RPS6KA2: variants seen among roughly 807,000 people sequenced by gnomAD.
RPS6KA2 encodes the protein ribosomal protein S6 kinase alpha-2.
In RPS6KA2, 42 loss-of-function variants were observed where a neutral mutation model predicts 91.8. That is an observed-to-expected ratio of 0.46 (90% CI 0.36 to 0.59). The LOEUF is 0.59. RPS6KA2 is among the 20% of genes least tolerant of loss of function. The probability of loss-of-function intolerance (pLI) is 0.00; values close to 1 mark genes in which losing one functional copy is unlikely to be tolerated. For missense variants in RPS6KA2, 798 were observed against 978.5 expected (o/e 0.82, Z 2.46); for synonymous variants, 414 against 393.6 (o/e 1.05, Z -0.61).
Position 166,434,597 on chromosome 6 carries a change from T to C in RPS6KA2, c.1333-2107A>G, listed in dbSNP as rs1040587404. Among the ~76,000 whole-genome samples the C allele has an allele frequency of 4.6e-5, 7 of 152,192 alleles. No homozygotes were observed. The highest frequency in any genetic ancestry group is 1.7e-4 in the African/African-American group (7 of 41,450). ...CGTCTATCGGGGCCGGGATCCTGTC[T>C]TTGCAATTAGAGAAGGTTAAAATAC... On this transcript the variant is annotated intron_variant, in intron 14 of 20. Coordinates refer to ENST00000265678, the MANE Select transcript of RPS6KA2 (RefSeq NM_021135.6). The surrounding 1 kb of genome is among the most constrained non-coding windows in gnomAD (Gnocchi z 4.4).
chr6:166,544,285 T>C (rs1583263472), intron 1 of RPS6KA2, among the ~76,000 whole-genome samples: 1 of 152,214 alleles, frequency 6.6e-6, no homozygotes, highest in African/African-American at 2.4e-5. Flanking sequence ...GAAGATTCAC[T>C]AAATGGCTTT....
chr6:166,453,741 C>A (rs7746265), intron 12 of RPS6KA2, among the ~76,000 whole-genome samples: 4 of 152,206 alleles, frequency 2.6e-5, no homozygotes, highest in African/African-American at 9.7e-5. Flanking sequence ...CAAAAAGATA[C>A]CCGCACTTGG....
chr6:166,648,951 T>G lies in RPS6KA2; in HGVS notation c.124-110167A>C, dbSNP rs919828418. Among the ~76,000 whole-genome samples, 6 of 152,192 alleles carry G rather than the reference T, an allele frequency of 3.9e-5. No homozygotes were observed. Among genetic ancestry groups the G allele is most frequent in the African/African-American group, 1.4e-4 (6 of 41,436 alleles). On this transcript the variant is annotated intron_variant, in intron 2 of 21. Transcript: ENST00000503859. The surrounding 1 kb of genome is among the most constrained non-coding windows in gnomAD (Gnocchi z 4.8). ...TCTCTCTAAGGCCACTGGCACCTCA[T>G]GCCAGCCCTACTAATGGGCTCCTTC...
At chr6:166,788,663 A>G (rs1325220374) in intron 2 of RPS6KA2, among the ~76,000 whole-genome samples, 1 of 152,158 alleles carries the variant, frequency 6.6e-6, no homozygotes, top group African/African-American at 2.4e-5. Flanking sequence ...AGGGAGGGGA[A>G]CATCACACAC....
chr6:166,670,978 G>A (rs759988863), intron 2 of RPS6KA2, among the ~76,000 whole-genome samples: 3 of 152,064 alleles, frequency 2.0e-5, no homozygotes, highest in Admixed American at 1.3e-4. Flanking sequence ...GTGCCACCAC[G>A]CTCAGCTAAT....
At chr6:166,530,350 T>C (rs1783224641) in intron 3 of RPS6KA2, among the ~76,000 whole-genome samples, 1 of 152,168 alleles carries the variant, frequency 6.6e-6, no homozygotes, top group Admixed American at 6.5e-5. Context: ...TTCAGTTCCC[T>C]GCCAGCCCAC....
chr6:166,590,635 C>T (rs972053745), intron 1 of RPS6KA2, among the ~76,000 whole-genome samples: 1 of 152,178 alleles, frequency 6.6e-6, no homozygotes, highest in African/African-American at 2.4e-5. Context: ...CACACACGCA[C>T]GTGCATAACT....
chr6:166,668,778 GTTTCC>G (rs1214175984), intron 2 of RPS6KA2, among the ~76,000 whole-genome samples: 1 of 152,012 alleles, frequency 6.6e-6, no homozygotes, highest in Non-Finnish European at 1.5e-5. Flanking sequence ...GAATTAAGAG[GTTTCC>G]TTTCTTTTTT....
At chr6:166,841,777 C>G (rs1166255888) in intron 2 of RPS6KA2, among the ~76,000 whole-genome samples, 1 of 152,184 alleles carries the variant, frequency 6.6e-6, no homozygotes, top group Non-Finnish European at 1.5e-5. Context: ...GGTAACACCC[C>G]GTGACCACTC....
At chr6:166,577,184 G>T (rs138911606) in intron 1 of RPS6KA2, among the ~76,000 whole-genome samples, 1 of 152,360 alleles carries the variant, frequency 6.6e-6, no homozygotes, top group East Asian at 1.9e-4. Context: ...TTTGCTGCAG[G>T]GGCGGGGCCC....
intron 2 of RPS6KA2, among the ~76,000 whole-genome samples, chr6:166,843,862 C>A (rs747753374): frequency 1.3e-5 from 2 of 152,010 alleles, no homozygotes; most frequent in Non-Finnish European, 2.9e-5. Flanking sequence ...AAACAAGGTT[C>A]TTTAACACCT....
intron 2 of RPS6KA2, among the ~76,000 whole-genome samples, chr6:166,711,441 G>A (rs1789848587): frequency 6.7e-6 from 1 of 148,956 alleles, no homozygotes; most frequent in African/African-American, 2.5e-5. Flanking sequence ...ATGACAGAAT[G>A]TTAGATATAT....
At chr6:166,561,354 C>T (rs1784336748) in intron 1 of RPS6KA2, among the ~76,000 whole-genome samples, 1 of 152,064 alleles carries the variant, frequency 6.6e-6, no homozygotes, top group Non-Finnish European at 1.5e-5. Flanking sequence ...GGTCTTGCTC[C>T]TTCCTCCCCT....
intron 11 of RPS6KA2, among the ~76,000 whole-genome samples, chr6:166,466,441 C>T (rs920015400): frequency 3.9e-5 from 6 of 152,220 alleles, no homozygotes; most frequent in Admixed American, 2.6e-4. Flanking sequence ...TGGAGTGGCT[C>T]CACTCTTGGC....
chr6:166,736,335 A>G (rs10484523), intron 2 of RPS6KA2, among the ~76,000 whole-genome samples: 14,804 of 152,262 alleles, frequency 0.097, 1,375 homozygotes, highest in African/African-American at 0.24. Context: ...GTCCCGTGGC[A>G]TCATTCTGTA....
At chr6:166,512,605 G>A (rs1235271118) in intron 3 of RPS6KA2, among the ~76,000 whole-genome samples, 1 of 152,196 alleles carries the variant, frequency 6.6e-6, no homozygotes, top group Non-Finnish European at 1.5e-5. Flanking sequence ...GGACAGTTTT[G>A]CTTTCCCGTT....
chr6:166,550,820 G>C (rs968447362), intron 1 of RPS6KA2, among the ~76,000 whole-genome samples: 4 of 151,886 alleles, frequency 2.6e-5, no homozygotes, highest in Non-Finnish European at 5.9e-5. Context: ...GGCTAACACG[G>C]TGAAACCCCG....
At chr6:166,664,165 A>G (rs990222835) in intron 2 of RPS6KA2, among the ~76,000 whole-genome samples, 1 of 152,224 alleles carries the variant, frequency 6.6e-6, no homozygotes, top group Admixed American at 6.5e-5. Context: ...TTAATTTCCC[A>G]AGCTCTGTTC....
intron 11 of RPS6KA2, among the ~76,000 whole-genome samples, chr6:166,468,856 T>TAA (rs1554277712): frequency 8.9e-6 from 1 of 112,184 alleles, no homozygotes. Context: ...AGAGCGAGAC[T>TAA]AAAAAAAAAA....
Sources: allele counts gnomAD v4.1 joint callset (sites outside exome capture counted in the v4.1 genomes callset), GRCh38; gene constraint gnomAD v4.1.1; non-coding constraint Gnocchi (gnomAD v3.1); transcripts MANE v1.5; gene names NCBI Gene and HGNC (gene_info 2026-07-23, HGNC 2026-07-21).